TNIK: variants seen among roughly 807,000 people sequenced by gnomAD.
TNIK encodes TRAF2 and NCK-interacting protein kinase.
In TNIK, 49 loss-of-function variants were observed where a neutral mutation model predicts 191.3. That is an observed-to-expected ratio of 0.26 (90% CI 0.20 to 0.32). TNIK has a LOEUF of 0.32. TNIK is among the 10% of genes least tolerant of loss of function. The pLI, the probability that TNIK is intolerant of heterozygous loss-of-function variation, is 1.00. For synonymous variants in TNIK, 594 were observed against 600.9 expected, an observed-to-expected ratio of 0.99 and a Z score of 0.17; for missense variants, 1,155 against 1,702.3, an observed-to-expected ratio of 0.68 and a Z score of 5.66.
chr3:171,360,766 A>G (rs1714849448), intron 2 of TNIK, among the ~76,000 whole-genome samples: 1 of 152,226 alleles, frequency 6.6e-6, no homozygotes, highest in Non-Finnish European at 1.5e-5. Flanking sequence ...TCATCTTTTA[A>G]GACTCCACTC....
intron 1 of TNIK, among the ~76,000 whole-genome samples, chr3:171,382,352 T>C (rs942579665): frequency 6.6e-6 from 1 of 151,822 alleles, no homozygotes; most frequent in African/African-American, 2.4e-5. Context: ...TCTGAAGTAG[T>C]TAAGATTACA....
intron 2 of TNIK, among the ~76,000 whole-genome samples, chr3:171,290,508 TGGCAATTATTATTATATGTCAAAA>T (rs1303707273): frequency 6.6e-6 from 1 of 152,216 alleles, no homozygotes; most frequent in Non-Finnish European, 1.5e-5. Context: ...ATGTGAGAAA[TGGCAATTATTATTATATGTCAAAA>T]TGAATTTTAT....
intron 2 of TNIK, among the ~76,000 whole-genome samples, chr3:171,235,136 G>T (rs1435789622): frequency 6.6e-6 from 1 of 152,108 alleles, no homozygotes; most frequent in Non-Finnish European, 1.5e-5. Context: ...CCACCTCCTG[G>T]GTTCAAGTGA....
chr3:171,406,120 G>C (rs894513859), intron 1 of TNIK, among the ~76,000 whole-genome samples: 1 of 151,894 alleles, frequency 6.6e-6, no homozygotes, highest in Non-Finnish European at 1.5e-5. Context: ...CACATGTTGA[G>C]TTAATAATTA....
At chr3:171,108,254 ATT>A in intron 19 of TNIK, 92 bp from the exon 20 acceptor site, 25 of 1,002,308 alleles carry the variant, frequency 2.5e-5, no homozygotes, top group Non-Finnish European at 3.2e-5. Flanking sequence ...GTGTCATCAC[ATT>A]GAGATTACTC....
At chr3:171,074,748 C>T (rs1033810930) in intron 28 of TNIK, among the ~76,000 whole-genome samples, 1 of 152,050 alleles carries the variant, frequency 6.6e-6, no homozygotes, top group African/African-American at 2.4e-5. Context: ...AGAATTTGAA[C>T]ATACTAGAAT....
chr3:171,219,073 A>AAATATATATTTTATATATATATAATTATG (rs1741903517), intron 3 of TNIK, among the ~76,000 whole-genome samples: 1 of 129,764 alleles, frequency 7.7e-6, no homozygotes, highest in East Asian at 2.0e-4. Context: ...TTAAATATAT[A>AAATATATATTTTATATATATATAATTATG]AATATATATT....
intron 2 of TNIK, among the ~76,000 whole-genome samples, chr3:171,343,458 A>AAG (rs1409615221): frequency 8.5e-5 from 13 of 152,218 alleles, no homozygotes; most frequent in African/African-American, 3.1e-4. Context: ...TCACTGGGGA[A>AAG]AGAGAAGCCT....
At chr3:171,333,139 C>T (rs1374471256) in intron 2 of TNIK, among the ~76,000 whole-genome samples, 1 of 151,910 alleles carries the variant, frequency 6.6e-6, no homozygotes, top group Non-Finnish European at 1.5e-5. Context: ...TTGTTTGATC[C>T]TAATAGTTGG....
chr3:171,355,860 C>T (rs1215117284), intron 2 of TNIK, among the ~76,000 whole-genome samples: 1 of 152,122 alleles, frequency 6.6e-6, no homozygotes, highest in Non-Finnish European at 1.5e-5. Context: ...TCTTTCTTTC[C>T]ATCCTCTATT....
At chr3:171,400,848 C>T (rs1225016232) in intron 1 of TNIK, among the ~76,000 whole-genome samples, 1 of 152,138 alleles carries the variant, frequency 6.6e-6, no homozygotes, top group Non-Finnish European at 1.5e-5. Context: ...CAAAAGCGTC[C>T]TTCGGATTTG....
intron 2 of TNIK, among the ~76,000 whole-genome samples, chr3:171,336,685 C>G (rs1212806466): frequency 6.6e-6 from 1 of 152,140 alleles, no homozygotes; most frequent in Non-Finnish European, 1.5e-5. Flanking sequence ...AGAAAAATCT[C>G]CATCAGCATT....
At chr3:171,067,740 G>A (rs1718646064) in intron 30 of TNIK, among the ~76,000 whole-genome samples, 1 of 151,884 alleles carries the variant, frequency 6.6e-6, no homozygotes, top group Non-Finnish European at 1.5e-5. Context: ...AAGGAAATGT[G>A]ATGTTGTTGT....
At chr3:171,248,225 G>A (rs571823851) in intron 2 of TNIK, among the ~76,000 whole-genome samples, 50 of 152,204 alleles carry the variant, frequency 3.3e-4, no homozygotes, top group Non-Finnish European at 5.4e-4. Flanking sequence ...AAGGTCACCT[G>A]TGGAGAACAA....
intron 2 of TNIK, among the ~76,000 whole-genome samples, chr3:171,338,231 C>G (rs1757158497): frequency 6.6e-6 from 1 of 152,074 alleles, no homozygotes; most frequent in African/African-American, 2.4e-5. Flanking sequence ...CATTTCTAAA[C>G]TGGAGAAGCC....
At chr3:171,378,234 C>T (rs1479593753) in intron 1 of TNIK, among the ~76,000 whole-genome samples, 1 of 152,164 alleles carries the variant, frequency 6.6e-6, no homozygotes, top group African/African-American at 2.4e-5. Flanking sequence ...TTACTTTAAG[C>T]TAACCAATTA....
chr3:171,067,776 C>T (rs1368848213), intron 30 of TNIK, among the ~76,000 whole-genome samples: 2 of 151,890 alleles, frequency 1.3e-5, no homozygotes, highest in African/African-American at 4.8e-5. Context: ...AATGCCATGG[C>T]AGCCCAACAT....
chr3:171,191,640 A>G (rs1480744835), intron 5 of TNIK, among the ~76,000 whole-genome samples: 1 of 152,190 alleles, frequency 6.6e-6, no homozygotes, highest in Non-Finnish European at 1.5e-5. Context: ...AAAGGAATAC[A>G]GTTTCTATTT....
intron 11 of TNIK, among the ~76,000 whole-genome samples, chr3:171,160,746 C>T (rs1296254716): frequency 1.3e-5 from 2 of 151,986 alleles, no homozygotes; most frequent in East Asian, 3.9e-4. Context: ...ACAGGAATGG[C>T]CCAAAAGTAT....
Sources: allele counts gnomAD v4.1 joint callset (sites outside exome capture counted in the v4.1 genomes callset), GRCh38; gene constraint gnomAD v4.1.1; transcripts MANE v1.5; gene names NCBI Gene and HGNC (gene_info 2026-07-23, HGNC 2026-07-21).